SUCLG2: variants seen among roughly 807,000 people sequenced by gnomAD.
SUCLG2 encodes the protein succinate-CoA ligase GDP-forming subunit beta.
Under a neutral mutation model 47.9 loss-of-function variants are expected in SUCLG2, and 42 were observed. The observed-to-expected ratio is 0.88, with a 90% CI of 0.69 to 1.14. The LOEUF (loss-of-function observed/expected upper bound fraction) is 1.14, where lower values mean the gene tolerates loss of function less well. Ranked by LOEUF, SUCLG2 falls within the 50% of genes most tolerant of loss-of-function variation. The pLI is 0.00. For missense variants in SUCLG2, 571 were observed against 525.9 expected (o/e 1.09, Z -0.84); for synonymous variants, 195 against 197.3 (o/e 0.99, Z 0.10).
intron 9 of SUCLG2, among the ~76,000 whole-genome samples, chr3:67,468,182 G>T (rs1269168568): frequency 6.6e-6 from 1 of 152,148 alleles, no homozygotes; most frequent in Non-Finnish European, 1.5e-5. Context: ...ATTTGTCTAA[G>T]ACTTTTCCCT....
At chr3:67,376,387 C>G in intron 10 of SUCLG2, 3 of 985,422 alleles carry the variant, frequency 3.0e-6, no homozygotes, top group Non-Finnish European at 3.6e-6. Context: ...TGATGGCAAT[C>G]TCTTGACTGT....
At chr3:67,508,747 T>C (rs987235129) in intron 7 of SUCLG2, 60 bp downstream of exon 7, 1 of 1,293,830 alleles carries the variant, frequency 7.7e-7, no homozygotes, top group Admixed American at 2.2e-5. Flanking sequence ...GTGCAATTTA[T>C]AGTTTGCATA....
At chr3:67,576,469 T>C (rs1707745023) in intron 2 of SUCLG2, among the ~76,000 whole-genome samples, 1 of 152,196 alleles carries the variant, frequency 6.6e-6, no homozygotes, top group South Asian at 2.1e-4. Flanking sequence ...TTCAGAAGTA[T>C]TTCCCATTCA....
intron 1 of SUCLG2, among the ~76,000 whole-genome samples, chr3:67,642,658 A>T (rs147982640): frequency 0.012 from 1,890 of 152,316 alleles, 34 homozygotes; most frequent in African/African-American, 0.042. Context: ...AGCAATGGCT[A>T]TAATAATGCC....
chr3:67,383,959 T>G (rs940428672), intron 10 of SUCLG2, among the ~76,000 whole-genome samples: 3 of 152,254 alleles, frequency 2.0e-5, no homozygotes, highest in Admixed American at 2.0e-4. Flanking sequence ...CATGCTTTCC[T>G]TGAATCTTCC....
intron 10 of SUCLG2, among the ~76,000 whole-genome samples, chr3:67,398,235 T>C (rs1299541993): frequency 8.7e-5 from 13 of 150,016 alleles, no homozygotes; most frequent in Non-Finnish European, 1.5e-4. Flanking sequence ...GAACAGGCAA[T>C]CTACAAAATG....
At chr3:67,554,328 G>GTGT (rs1324381254) in intron 2 of SUCLG2, among the ~76,000 whole-genome samples, 1 of 152,124 alleles carries the variant, frequency 6.6e-6, no homozygotes, top group Non-Finnish European at 1.5e-5. Flanking sequence ...TTTTGTTGGA[G>GTGT]TGTTGTTGTT....
intron 2 of SUCLG2, among the ~76,000 whole-genome samples, chr3:67,576,302 T>C (rs958516663): frequency 1.3e-5 from 2 of 152,056 alleles, no homozygotes; most frequent in Admixed American, 6.5e-5. Flanking sequence ...ACCTAGCGAC[T>C]CTCTGAAGAG....
chr3:67,540,711 G>A (rs1200427508), intron 2 of SUCLG2, among the ~76,000 whole-genome samples: 3 of 152,214 alleles, frequency 2.0e-5, no homozygotes, highest in South Asian at 2.1e-4. Context: ...GGGACAGACT[G>A]CCTCCTCTAG....
chr3:67,603,161 AACTT>A (rs954690838), intron 2 of SUCLG2, among the ~76,000 whole-genome samples: 16 of 152,222 alleles, frequency 1.1e-4, no homozygotes, highest in African/African-American at 3.6e-4. Flanking sequence ...GTAAAAGGAA[AACTT>A]ACTTCACAAA....
At chr3:67,428,460 A>G (rs549065754) in intron 9 of SUCLG2, among the ~76,000 whole-genome samples, 1 of 152,316 alleles carries the variant, frequency 6.6e-6, no homozygotes, top group South Asian at 2.1e-4. Context: ...ATCATCAAAG[A>G]CCAAAGGTAG....
chr3:67,520,639 C>G lies in SUCLG2; in HGVS notation c.418-5G>C, dbSNP rs1182665650. The G allele has an allele frequency of 6.2e-7, 1 of 1,601,952 alleles. No homozygotes were observed. The highest frequency in any genetic ancestry group is 1.4e-5 in the African/African-American group (1 of 73,974). ...CAAGGCTTCAGCAACCATCACCTAC[C>G]ACATTAGTGGGAAAGTCAAATTAAT... On this transcript the variant is annotated splice_region_variant and splice_polypyrimidine_tract_variant and intron_variant, in intron 4 of 10. Coordinates refer to ENST00000307227, the MANE Select transcript of SUCLG2 (RefSeq NM_003848.4).
chr3:67,369,160 T>C (rs572971996), intron 10 of SUCLG2, among the ~76,000 whole-genome samples: 2 of 152,320 alleles, frequency 1.3e-5, no homozygotes, highest in South Asian at 2.1e-4. Flanking sequence ...TTTTCTGTTT[T>C]TATGTCAGTA....
At chr3:67,383,879 A>G (rs1277796831) in intron 10 of SUCLG2, among the ~76,000 whole-genome samples, 1 of 152,214 alleles carries the variant, frequency 6.6e-6, no homozygotes, top group Non-Finnish European at 1.5e-5. Context: ...ATCATCTGCT[A>G]GGGATAAGAC....
At chr3:67,426,936 G>C (rs759907362) in intron 9 of SUCLG2, among the ~76,000 whole-genome samples, 2 of 151,930 alleles carry the variant, frequency 1.3e-5, no homozygotes, top group Non-Finnish European at 2.9e-5. Flanking sequence ...AAAAAAAAAA[G>C]TGGCAAAATC....
intron 2 of SUCLG2, among the ~76,000 whole-genome samples, chr3:67,603,466 T>C (rs1399574332): frequency 1.3e-5 from 2 of 152,340 alleles, no homozygotes; most frequent in East Asian, 3.9e-4. Flanking sequence ...AGTTATCATA[T>C]TGACGAATGG....
At chr3:67,444,008 G>A (rs1469137116) in intron 9 of SUCLG2, among the ~76,000 whole-genome samples, 1 of 124,630 alleles carries the variant, frequency 8.0e-6, no homozygotes, top group Non-Finnish European at 1.8e-5. Flanking sequence ...CCGGGAGGGA[G>A]GTGGGGGGGT....
intron 9 of SUCLG2, among the ~76,000 whole-genome samples, chr3:67,438,480 T>C (rs1173488183): frequency 6.6e-6 from 1 of 150,872 alleles, no homozygotes; most frequent in Non-Finnish European, 1.5e-5. Flanking sequence ...ATTAACAAAA[T>C]AGACAGACCG....
At chr3:67,536,965 C>T (rs1706561166) in intron 2 of SUCLG2, among the ~76,000 whole-genome samples, 1 of 152,096 alleles carries the variant, frequency 6.6e-6, no homozygotes, top group South Asian at 2.1e-4. Context: ...CATTTGGACA[C>T]TATTGGGAAA....
Sources: gnomAD v4.1 joint callset for allele counts (sites outside exome capture counted in the v4.1 genomes callset) on GRCh38, gnomAD v4.1.1 for gene constraint, MANE v1.5 for transcripts, NCBI Gene and HGNC (gene_info 2026-07-23, HGNC 2026-07-21) for gene names.